Variants in ELF2 observed in about 807,000 individuals in gnomAD.
ELF2 encodes E74 like ETS transcription factor 2, also known as ETS-related transcription factor Elf-2.
In ELF2, 11 loss-of-function variants were observed where a neutral mutation model predicts 54.8. That is an observed-to-expected ratio of 0.20 (90% confidence interval 0.13 to 0.33). ELF2 has a LOEUF of 0.33. Ranked by LOEUF, ELF2 falls within the 10% of genes least tolerant of loss-of-function variation. ELF2 has a pLI of 1.00. For missense variants in ELF2, 513 were observed against 703.0 expected (o/e 0.73, Z 3.06); for synonymous variants, 203 against 245.1 (o/e 0.83, Z 1.61).
intron 1 of ELF2, among the ~76,000 whole-genome samples, chr4:139,159,810 T>C (rs115424100): frequency 0.019 from 2,831 of 152,312 alleles, 90 homozygotes; most frequent in African/African-American, 0.064. Context: ...GAGTTTTTAT[T>C]AAAGTGGCAT....
intron 4 of ELF2, among the ~76,000 whole-genome samples, chr4:139,094,646 A>G (rs1288614863): frequency 6.6e-6 from 1 of 152,200 alleles, no homozygotes; most frequent in Non-Finnish European, 1.5e-5. Context: ...ATTATATACA[A>G]CAGGACATAC....
intron 4 of ELF2, among the ~76,000 whole-genome samples, chr4:139,111,916 C>A (rs1282294243): frequency 1.3e-5 from 2 of 152,124 alleles, no homozygotes; most frequent in Non-Finnish European, 2.9e-5. Flanking sequence ...AATGAGAAAC[C>A]AAGGAGTTCA....
intron 4 of ELF2, among the ~76,000 whole-genome samples, chr4:139,113,916 GAC>G (rs1735251300): frequency 2.0e-5 from 3 of 151,206 alleles, no homozygotes; most frequent in Non-Finnish European, 4.4e-5. Context: ...TTTATTAATT[GAC>G]AGAGTAGGTC....
At chr4:139,115,468 G>C (rs564149230) in intron 4 of ELF2, 11 of 900,836 alleles carry the variant, frequency 1.2e-5, no homozygotes, top group Non-Finnish European at 1.5e-5. Context: ...TCGCCGCGGC[G>C]AGGGCAGCGG....
At chr4:139,162,073 G>A (rs567924735) in intron 1 of ELF2, among the ~76,000 whole-genome samples, 3 of 152,182 alleles carry the variant, frequency 2.0e-5, no homozygotes, top group Admixed American at 6.5e-5. Context: ...TAGCTGGGGC[G>A]ACAGAGCGAG....
chr4:139,059,868 G>C (rs1335512164), intron 9 of ELF2, among the ~76,000 whole-genome samples: 1 of 146,558 alleles, frequency 6.8e-6, no homozygotes, highest in Admixed American at 6.8e-5. Flanking sequence ...TTTTTTTGGA[G>C]ATAAGGTCTC....
At chr4:139,084,581 C>T in intron 4 of ELF2, 1 of 264,912 alleles carries the variant, frequency 3.8e-6, no homozygotes, top group Non-Finnish European at 6.0e-6. Flanking sequence ...ACACCTGAGG[C>T]TGGGAAACGG....
chr4:139,061,426 C>G lies in ELF2; in HGVS notation c.806+439G>C, dbSNP rs374127827. 2.6e-5 allele frequency among the ~76,000 whole-genome samples: 4 copies of G among 152,148 alleles called. No individual in the cohort carries two copies. In the East Asian group the frequency reaches 7.7e-4, roughly 29 times the overall value. On this transcript the variant is annotated intron_variant, in intron 8 of 9. Coordinates refer to ENST00000686138, the MANE Select transcript of ELF2 (RefSeq NM_001331036.3). ...CTGACCTCAAGTGATCCACCCAACTCAGCCTCCCACAGTTCTGGCATTATA... is the reference window on the plus strand; with the variant it reads ...CTGACCTCAAGTGATCCACCCAACTGAGCCTCCCACAGTTCTGGCATTATA...
chr4:139,141,135 C>G (rs1435498533), intron 1 of ELF2, among the ~76,000 whole-genome samples: 5 of 152,156 alleles, frequency 3.3e-5, no homozygotes, highest in Non-Finnish European at 7.3e-5. Context: ...TTCAAGGGGC[C>G]TGGGACAAGA....
At chr4:139,101,046 G>A (rs906803974) in intron 4 of ELF2, among the ~76,000 whole-genome samples, 1 of 152,224 alleles carries the variant, frequency 6.6e-6, no homozygotes, top group Admixed American at 6.5e-5. Flanking sequence ...GGTAGGAAAA[G>A]GTATAAATAA....
At chr4:139,096,141 C>T (rs767487210) in intron 4 of ELF2, among the ~76,000 whole-genome samples, 6 of 151,824 alleles carry the variant, frequency 4.0e-5, no homozygotes, top group Non-Finnish European at 5.9e-5. Context: ...TGTAGCTATG[C>T]GCATATATGA....
chr4:139,158,778 T>A (rs1394162365), intron 1 of ELF2, among the ~76,000 whole-genome samples: 1 of 151,892 alleles, frequency 6.6e-6, no homozygotes, highest in Non-Finnish European at 1.5e-5. Context: ...TCCAAGGGAG[T>A]CCAAGGGGGT....
At chr4:139,077,121 T>A (rs544335482) in intron 4 of ELF2, among the ~76,000 whole-genome samples, 9 of 152,274 alleles carry the variant, frequency 5.9e-5, no homozygotes, top group Admixed American at 5.9e-4. Context: ...TCATGAAGCT[T>A]ATACTACTAT....
chr4:139,112,203 T>C (rs549558721), intron 4 of ELF2, among the ~76,000 whole-genome samples: 3 of 152,172 alleles, frequency 2.0e-5, no homozygotes, highest in Non-Finnish European at 4.4e-5. Context: ...GCAACTCAGA[T>C]AGCCTTGTTT....
intron 4 of ELF2, among the ~76,000 whole-genome samples, chr4:139,105,013 T>C (rs779859908): frequency 1.3e-5 from 2 of 152,180 alleles, no homozygotes; most frequent in Non-Finnish European, 2.9e-5. Flanking sequence ...CAACAACGAA[T>C]TGTTCACTTT....
chr4:139,064,361 A>T (rs921492469), intron 7 of ELF2, among the ~76,000 whole-genome samples: 4 of 152,198 alleles, frequency 2.6e-5, no homozygotes, highest in African/African-American at 9.6e-5. Flanking sequence ...AAGATAGGTC[A>T]TCTGTAGGAT....
chr4:139,060,196 C>T, intron 9 of ELF2, 128 bp downstream of exon 9: 1 of 808,950 alleles, frequency 1.2e-6, no homozygotes, highest in East Asian at 2.7e-5. Flanking sequence ...AAACATCAAG[C>T]ACTTTTCAAA....
At chr4:139,173,744 C>T (rs188635337) in intron 1 of ELF2, among the ~76,000 whole-genome samples, 18 of 130,256 alleles carry the variant, frequency 1.4e-4, no homozygotes, top group Non-Finnish European at 2.7e-4. Flanking sequence ...GGCAACACAG[C>T]GAGACTCCGT....
chr4:139,155,707 T>C (rs1254539385), intron 1 of ELF2, among the ~76,000 whole-genome samples: 2 of 152,184 alleles, frequency 1.3e-5, no homozygotes, highest in Non-Finnish European at 2.9e-5. Flanking sequence ...TTTACAAGGA[T>C]AGAAAGTAAA....
Sources: allele counts gnomAD v4.1 joint callset (sites outside exome capture counted in the v4.1 genomes callset), GRCh38; gene constraint gnomAD v4.1.1; transcripts MANE v1.5; gene names NCBI Gene and HGNC (gene_info 2026-07-23, HGNC 2026-07-21).